FMO3: variants seen among roughly 807,000 people sequenced by gnomAD.
The protein encoded by FMO3 is flavin-containing monooxygenase 3.
FMO3 carries 40 observed loss-of-function variants against 39.4 expected under a neutral mutation model. The observed-to-expected ratio is 1.02, with a 90% CI of 0.79 to 1.32. The LOEUF is 1.32. Ranked by LOEUF, FMO3 falls within the 40% of genes most tolerant of loss-of-function variation. The probability of loss-of-function intolerance (pLI) is 0.00; values close to 1 mark genes in which losing one functional copy is unlikely to be tolerated. For missense variants in FMO3, 680 were observed against 651.8 expected, an observed-to-expected ratio of 1.04 and a Z score of -0.47; for synonymous variants, 219 against 228.8, an observed-to-expected ratio of 0.96 and a Z score of 0.39.
intron 2 of FMO3, among the ~76,000 whole-genome samples, chr1:171,093,356 C>T (rs1654802018): frequency 6.6e-6 from 1 of 152,068 alleles, no homozygotes; most frequent in African/African-American, 2.4e-5. Context: ...AGCTCCCAAT[C>T]GTAAGTGAGA....
intron 2 of FMO3, among the ~76,000 whole-genome samples, chr1:171,096,071 T>TAAATATATAATATATATTATATA (rs1491505210): frequency 1.9e-5 from 1 of 53,670 alleles, no homozygotes; most frequent in African/African-American, 1.0e-4. Context: ...ATATTATATA[T>TAAATATATAATATATATTATATA]TAATATATAA....
chr1:171,100,868 G>A (rs2101904698), intron 2 of FMO3: 1 of 284,310 alleles, frequency 3.5e-6, no homozygotes, highest in East Asian at 7.9e-5. Flanking sequence ...CAAGAGAAAA[G>A]GGTATTTGCA....
chr1:171,105,683 G>T (rs1655606417), intron 3 of FMO3, among the ~76,000 whole-genome samples: 2 of 151,844 alleles, frequency 1.3e-5, no homozygotes, highest in Non-Finnish European at 2.9e-5. Context: ...GTATGCAAGA[G>T]TATTTTAATA....
rs933598609 is a variant in FMO3 at position 171,117,781 on chromosome 1, A to G, written c.*339A>G. 3.1e-5 allele frequency: 6 copies of G among 191,938 alleles called. No homozygotes were observed. The Admixed American group carries it at 3.3e-4, about 10-fold the overall frequency. The allele number at this position is 191,938 out of a possible 1,614,324, so 11.9% of individuals were successfully genotyped here. A position where few individuals can be genotyped will look rare whatever the true frequency, so the allele number is the denominator to read the frequency against. On this transcript the variant is annotated 3_prime_UTR_variant, in exon 9 of 9. Coordinates refer to ENST00000367755, the MANE Select transcript of FMO3 (RefSeq NM_001002294.3). ...AAACAATGTATGAAAGATGTATTTT[A>G]AATCTAAATAAAGAGCAAATTAAGC...
chr1:171,092,383 C>G (rs887275801), intron 1 of FMO3, among the ~76,000 whole-genome samples: 1 of 151,982 alleles, frequency 6.6e-6, no homozygotes, highest in African/African-American at 2.4e-5. Context: ...CCACACCCAG[C>G]TGATTTTGTT....
At chr1:171,096,025 A>ATATATAATATATAATATATATT (rs1491256935) in intron 2 of FMO3, among the ~76,000 whole-genome samples, 31 of 45,968 alleles carry the variant, frequency 6.7e-4, no homozygotes, top group African/African-American at 2.7e-3. Flanking sequence ...ATTATATATT[A>ATATATAATATATAATATATATT]ATATATAATA....
chr1:171,097,663 T>A (rs1480568361), intron 2 of FMO3, among the ~76,000 whole-genome samples: 1 of 148,286 alleles, frequency 6.7e-6, no homozygotes, highest in Non-Finnish European at 1.5e-5. Flanking sequence ...GTAAATTTGT[T>A]TGAGTTCATT....
intron 2 of FMO3, among the ~76,000 whole-genome samples, chr1:171,099,371 C>T (rs1339678354): frequency 6.6e-6 from 1 of 152,118 alleles, no homozygotes; most frequent in Non-Finnish European, 1.5e-5. Flanking sequence ...ACATCTTATA[C>T]AATGTTGTGG....
Position 171,107,725 on chromosome 1 carries a change from G to C in FMO3, c.372G>C (p.Gln124His). Residue 124 changes from glutamine (Q) to histidine (H), a missense_variant, in exon 4 of 9, where the codon CAG becomes CAC. Physicochemically the swap from Gln to His is conservative, Grantham distance 24. Coordinates refer to ENST00000367755, the MANE Select transcript of FMO3 (RefSeq NM_001002294.3). ...ATCCTGATTTTGCAACTACTGGCCA[G>C]TGGGATGTTACCACTGAAAGGGATG... ...NKHPDFATTGQWDVTTERDGK... is the reference protein window; with the variant it reads ...NKHPDFATTGHWDVTTERDGK... 1 of 1,613,526 alleles carries C rather than the reference G, an allele frequency of 6.2e-7. No homozygotes were observed. Among genetic ancestry groups the C allele is most frequent in the South Asian group, 1.1e-5 (1 of 91,068 alleles).
At chr1:171,096,016 T>TCTATTAATATATAA (rs1431040753) in intron 2 of FMO3, among the ~76,000 whole-genome samples, 1 of 47,534 alleles carries the variant, frequency 2.1e-5, no homozygotes, top group Non-Finnish European at 3.6e-5. Context: ...AATATACATA[T>TCTATTAATATATAA]TATATATTAA....
At chr1:171,102,154 A>G (rs1655425408) in intron 2 of FMO3, among the ~76,000 whole-genome samples, 1 of 152,158 alleles carries the variant, frequency 6.6e-6, no homozygotes, top group Admixed American at 6.6e-5. Flanking sequence ...CCAATTAATT[A>G]TTTGTCAATA....
At chr1:171,106,299 C>A (rs1385009461) in intron 3 of FMO3, among the ~76,000 whole-genome samples, 1 of 152,038 alleles carries the variant, frequency 6.6e-6, no homozygotes, top group Non-Finnish European at 1.5e-5. Flanking sequence ...CACCACCATG[C>A]CCAACTAATT....
Position 171,113,917 on chromosome 1 carries a change from A to AT in FMO3, c.828-84dup, listed in dbSNP as rs1387652383. The AT allele has an allele frequency of 1.7e-5, 16 of 967,380 alleles. No individual in the cohort carries two copies. The Admixed American group carries it at 3.1e-4, about 19-fold the overall frequency. 59.9% of individuals were successfully genotyped at this position (967,380 alleles called of 1,614,324 possible). A position where few individuals can be genotyped will look rare whatever the true frequency, so the allele number is the denominator to read the frequency against. On this transcript the variant is annotated intron_variant, in intron 6 of 8. Transcript: ENST00000367755. ...CCTCAGAAAAAAAAAATCTTGGGTCATTTTTTCCTTCCTTATCAATTTATA... is the reference window on the plus strand; with the variant it reads ...CCTCAGAAAAAAAAAATCTTGGGTCATTTTTTTCCTTCCTTATCAATTTATA...
At chr1:171,096,521 A>ATATACTTTATATATTAAATACATAC (rs1557934255) in intron 2 of FMO3, among the ~76,000 whole-genome samples, 1 of 89,808 alleles carries the variant, frequency 1.1e-5, no homozygotes, top group African/African-American at 5.0e-5. Flanking sequence ...TAAATACATA[A>ATATACTTTATATATTAAATACATAC]TATACTTTAT....
chr1:171,111,785 T>A (rs905901654), intron 6 of FMO3, among the ~76,000 whole-genome samples: 2 of 152,198 alleles, frequency 1.3e-5, no homozygotes, highest in African/African-American at 4.8e-5. Context: ...ATATGCCACA[T>A]CCTGTGTTTA....
intron 4 of FMO3, 60 bp downstream of exon 4, chr1:171,107,897 GT>G (rs1655720300): frequency 6.5e-7 from 1 of 1,532,118 alleles, no homozygotes; most frequent in Admixed American, 1.7e-5. Context: ...TCTTGATAAT[GT>G]CTTCTTTTTT....
At chr1:171,093,476 G>A (rs926858065) in intron 2 of FMO3, among the ~76,000 whole-genome samples, 1 of 149,708 alleles carries the variant, frequency 6.7e-6, no homozygotes, top group African/African-American at 2.6e-5. Flanking sequence ...TATTCTCGCT[G>A]GGTAGTATTC....
intron 2 of FMO3, among the ~76,000 whole-genome samples, chr1:171,093,548 T>C (rs1008149762): frequency 2.0e-5 from 3 of 151,842 alleles, no homozygotes; most frequent in Non-Finnish European, 4.4e-5. Context: ...TATATACATA[T>C]ATGTATGTAT....
chr1:171,103,370 C>T (rs1005380006), intron 2 of FMO3, among the ~76,000 whole-genome samples: 36 of 151,850 alleles, frequency 2.4e-4, no homozygotes, highest in African/African-American at 8.7e-4. Flanking sequence ...TGTGTCTTAC[C>T]GAATTTACTG....
Sources: gnomAD v4.1 joint callset for allele counts (sites outside exome capture counted in the v4.1 genomes callset) on GRCh38, gnomAD v4.1.1 for gene constraint, MANE v1.5 for transcripts, NCBI Gene and HGNC (gene_info 2026-07-23, HGNC 2026-07-21) for gene names.